The following EPHA6 variants were observed in gnomAD, a reference collection of about 807,000 sequenced individuals.
The protein encoded by EPHA6 is ephrin type-A receptor 6.
EPHA6 carries 50 observed loss-of-function variants against 112.0 expected under a neutral mutation model. The ratio of observed to expected loss-of-function variants is 0.45; its 90% confidence interval spans 0.36 to 0.56. The LOEUF (loss-of-function observed/expected upper bound fraction) is 0.56, where lower values mean the gene tolerates loss of function less well. Ranked by LOEUF, EPHA6 falls within the 20% of genes least tolerant of loss-of-function variation. The pLI is 0.00. For missense variants in EPHA6, 1,280 were observed against 1,417.4 expected (o/e 0.90, Z 1.56); for synonymous variants, 529 against 490.7 (o/e 1.08, Z -1.03).
intron 11 of EPHA6, among the ~76,000 whole-genome samples, chr3:97,584,680 T>C (rs997877934): frequency 1.3e-5 from 2 of 152,078 alleles, no homozygotes; most frequent in Admixed American, 6.6e-5. Flanking sequence ...CGTTTTGACA[T>C]GGGAGATGAT....
At chr3:97,513,345 C>T (rs2092396768) in intron 10 of EPHA6, among the ~76,000 whole-genome samples, 1 of 152,204 alleles carries the variant, frequency 6.6e-6, no homozygotes, top group Non-Finnish European at 1.5e-5. Context: ...GATATCTGCA[C>T]TCTCATGTTT....
chr3:97,163,285 G>T (rs145568583), intron 3 of EPHA6, among the ~76,000 whole-genome samples: 15 of 152,216 alleles, frequency 9.9e-5, no homozygotes, highest in African/African-American at 3.4e-4. Flanking sequence ...ACTCACTCAT[G>T]ATGGGTCATC....
intron 5 of EPHA6, among the ~76,000 whole-genome samples, chr3:97,278,083 A>G (rs2080158152): frequency 6.6e-6 from 1 of 152,170 alleles, no homozygotes; most frequent in African/African-American, 2.4e-5. Flanking sequence ...ATAGATACTT[A>G]AGTTGTTTCT....
At chr3:97,527,681 T>C (rs1247903995) in intron 10 of EPHA6, among the ~76,000 whole-genome samples, 4 of 151,668 alleles carry the variant, frequency 2.6e-5, no homozygotes, top group Non-Finnish European at 5.9e-5. Flanking sequence ...GGGGTTGCAT[T>C]TGGGAAAAAA....
At chr3:97,346,375 T>A (rs189767559) in intron 5 of EPHA6, among the ~76,000 whole-genome samples, 180 of 152,288 alleles carry the variant, frequency 1.2e-3, no homozygotes, top group African/African-American at 4.0e-3. Context: ...ACAAAGTTAC[T>A]GTTAAAAAGA....
At chr3:97,009,128 G>A (rs2043989365) in intron 3 of EPHA6, among the ~76,000 whole-genome samples, 1 of 152,092 alleles carries the variant, frequency 6.6e-6, no homozygotes, top group Non-Finnish European at 1.5e-5. Flanking sequence ...GAAGCACTTT[G>A]TCCCTTGGTG....
chr3:96,882,734 G>C (rs1030884451), intron 2 of EPHA6, among the ~76,000 whole-genome samples: 2 of 131,650 alleles, frequency 1.5e-5, no homozygotes, highest in South Asian at 2.3e-4. Context: ...GTGTGTCTGT[G>C]TGTGTGTGTG....
At chr3:97,075,807 T>C (rs1461267336) in intron 3 of EPHA6, among the ~76,000 whole-genome samples, 2 of 151,968 alleles carry the variant, frequency 1.3e-5, no homozygotes, top group Non-Finnish European at 2.9e-5. Context: ...GTAATTCTTG[T>C]AGTGTTTAAA....
chr3:97,336,030 A>T (rs978670823), intron 5 of EPHA6, among the ~76,000 whole-genome samples: 3 of 152,154 alleles, frequency 2.0e-5, no homozygotes, highest in African/African-American at 7.2e-5. Flanking sequence ...TATCTCAAGC[A>T]CGTATCTTAA....
At chr3:97,570,620 C>T (rs1463060564) in intron 11 of EPHA6, among the ~76,000 whole-genome samples, 1 of 151,948 alleles carries the variant, frequency 6.6e-6, no homozygotes, top group Non-Finnish European at 1.5e-5. Context: ...ATCCCAGCTA[C>T]TCTGGAGGCT....
intron 3 of EPHA6, among the ~76,000 whole-genome samples, chr3:97,130,123 C>T (rs2048298485): frequency 6.6e-6 from 1 of 151,968 alleles, no homozygotes; most frequent in Admixed American, 6.6e-5. Flanking sequence ...AAAATTATTT[C>T]TCTTTTTCTC....
In EPHA6 at chr3:97,212,009, G is replaced by A. The variant is rs568061641; in HGVS notation, c.1115-14255G>A. Among the ~76,000 whole-genome samples the A allele has an allele frequency of 6.6e-4, 101 of 152,218 alleles. 1 individual carries two copies. Among genetic ancestry groups the A allele is most frequent in the African/African-American group, 2.2e-3 (93 of 41,530 alleles). ...TTATTACTAATATATCTTATAGTAA[G>A]TTACTGGATGTATTCTTTTTGAAGA... On this transcript the variant is annotated intron_variant, in intron 3 of 17. Transcript: ENST00000389672.
chr3:96,844,332 A>G (rs2034939940), intron 1 of EPHA6, among the ~76,000 whole-genome samples: 2 of 151,960 alleles, frequency 1.3e-5, no homozygotes, highest in Non-Finnish European at 2.9e-5. Context: ...CCTGTGTACT[A>G]TTAGTTAAAC....
At chr3:97,360,846 T>C (rs76066645) in intron 5 of EPHA6, among the ~76,000 whole-genome samples, 3,697 of 152,328 alleles carry the variant, frequency 0.024, 109 homozygotes, top group African/African-American at 0.077. Flanking sequence ...ACATTTATTT[T>C]GCTTGTCAAC....
At chr3:97,334,476 TTC>T (rs2082958933) in intron 5 of EPHA6, among the ~76,000 whole-genome samples, 1 of 144,234 alleles carries the variant, frequency 6.9e-6, no homozygotes, top group African/African-American at 2.7e-5. Context: ...TTTTTTTTTC[TTC>T]TTTTTTTTTT....
At chr3:97,271,358 T>C (rs1355401966) in intron 5 of EPHA6, among the ~76,000 whole-genome samples, 1 of 152,256 alleles carries the variant, frequency 6.6e-6, no homozygotes, top group African/African-American at 2.4e-5. Context: ...CCTTCTCTCT[T>C]CAAATTCCTT....
At chr3:97,392,145 C>T (rs995707565) in intron 5 of EPHA6, among the ~76,000 whole-genome samples, 2 of 151,732 alleles carry the variant, frequency 1.3e-5, no homozygotes, top group Non-Finnish European at 3.0e-5. Context: ...TTGGGCTTTA[C>T]ATTTTGAAAA....
intron 1 of EPHA6, among the ~76,000 whole-genome samples, chr3:96,824,493 T>A (rs1014233548): frequency 3.9e-5 from 6 of 151,900 alleles, no homozygotes; most frequent in South Asian, 2.1e-4. Flanking sequence ...ACATTTTTTC[T>A]GGAATTCTCA....
intron 13 of EPHA6, among the ~76,000 whole-genome samples, chr3:97,619,143 A>T (rs2093791380): frequency 7.5e-6 from 1 of 134,128 alleles, no homozygotes; most frequent in Admixed American, 7.8e-5. Context: ...TTCATAACAT[A>T]AACAGAACTA....
Sources: gnomAD v4.1 joint callset for allele counts (sites outside exome capture counted in the v4.1 genomes callset) on GRCh38, gnomAD v4.1.1 for gene constraint, MANE v1.5 for transcripts, NCBI Gene and HGNC (gene_info 2026-07-23, HGNC 2026-07-21) for gene names.